NTNG1: variants seen among roughly 807,000 people sequenced by gnomAD.
NTNG1 encodes the protein netrin G1, also known as netrin-G1.
Under a neutral mutation model 54.0 loss-of-function variants are expected in NTNG1, and 16 were observed. The observed-to-expected ratio is 0.30, with a 90% CI of 0.20 to 0.45. The LOEUF (loss-of-function observed/expected upper bound fraction) is 0.45. Among genes scored for constraint, NTNG1 ranks in the 20% least tolerant of loss-of-function variants. The pLI is 1.00. For missense variants in NTNG1, 530 were observed against 678.7 expected (o/e 0.78, Z 2.43); for synonymous variants, 255 against 263.1 (o/e 0.97, Z 0.30).
At chr1:107,237,145 AG>A (rs1288325557) in intron 2 of NTNG1, among the ~76,000 whole-genome samples, 1 of 152,150 alleles carries the variant, frequency 6.6e-6, no homozygotes, top group Non-Finnish European at 1.5e-5. Flanking sequence ...GTCCCAGCAG[AG>A]GTGGTCTTAG....
intron 3 of NTNG1, among the ~76,000 whole-genome samples, chr1:107,392,375 T>G (rs1480109675): frequency 6.6e-6 from 1 of 151,472 alleles, no homozygotes; most frequent in Non-Finnish European, 1.5e-5. Flanking sequence ...AGTTAAGGAG[T>G]GCAGACAAAG....
At chr1:107,153,823 C>G (rs1654769620) in intron 2 of NTNG1, among the ~76,000 whole-genome samples, 1 of 152,160 alleles carries the variant, frequency 6.6e-6, no homozygotes, top group African/African-American at 2.4e-5. Context: ...AAGGGGACAA[C>G]TGGATTTGAG....
intron 3 of NTNG1, among the ~76,000 whole-genome samples, chr1:107,371,809 T>C (rs928405989): frequency 1.1e-4 from 17 of 152,080 alleles, no homozygotes; most frequent in African/African-American, 4.1e-4. Flanking sequence ...CAAGACAAGC[T>C]GAGTATTACT....
At chr1:107,301,403 C>A (rs552060928) in intron 2 of NTNG1, among the ~76,000 whole-genome samples, 2 of 152,148 alleles carry the variant, frequency 1.3e-5, no homozygotes, top group African/African-American at 4.8e-5. Flanking sequence ...ACTAAAGTTA[C>A]ACTGTGATAG....
chr1:107,150,133 AG>A lies in NTNG1; in HGVS notation c.246+1295del, dbSNP rs202071429. Reference sequence around the variant, plus strand: ...TCTAAACCTGATTTTGTGGAGAGTGAGAAAAAGCACTTGGCTATTAGGTGTC... The same window carrying A: ...TCTAAACCTGATTTTGTGGAGAGTGAAAAAAGCACTTGGCTATTAGGTGTC... On this transcript the variant is annotated intron_variant, in intron 2 of 7. Coordinates refer to ENST00000370068, the MANE Select transcript of NTNG1 (RefSeq NM_001113226.3). 7.8e-4 allele frequency among the ~76,000 whole-genome samples: 119 copies of A among 152,300 alleles called. 3 individuals are homozygous for A. In the East Asian group the frequency reaches 0.023, roughly 29 times the overall value.
At chr1:107,459,565 C>T (rs1346275088) in intron 7 of NTNG1, among the ~76,000 whole-genome samples, 1 of 152,038 alleles carries the variant, frequency 6.6e-6, no homozygotes, top group Non-Finnish European at 1.5e-5. Flanking sequence ...TCAATTTGAG[C>T]TTATTTCTAT....
At chr1:107,207,181 C>G (rs907211365) in intron 2 of NTNG1, among the ~76,000 whole-genome samples, 3 of 152,134 alleles carry the variant, frequency 2.0e-5, no homozygotes, top group African/African-American at 4.8e-5. Flanking sequence ...TCTTCCCAGT[C>G]TGACACAGCT....
intron 2 of NTNG1, among the ~76,000 whole-genome samples, chr1:107,242,876 A>G (rs148289213): frequency 7.2e-4 from 109 of 152,320 alleles, no homozygotes; most frequent in African/African-American, 2.5e-3. Context: ...GAAGAGTTGA[A>G]TGCAACCAGA....
At chr1:107,479,367 G>A (rs1558030704) in intron 7 of NTNG1, among the ~76,000 whole-genome samples, 1 of 152,112 alleles carries the variant, frequency 6.6e-6, no homozygotes, top group African/African-American at 2.4e-5. Flanking sequence ...CTACTTGGAG[G>A]GTAGAGTTGT....
At chr1:107,459,211 A>G (rs1319060769) in intron 7 of NTNG1, among the ~76,000 whole-genome samples, 1 of 152,072 alleles carries the variant, frequency 6.6e-6, no homozygotes, top group Non-Finnish European at 1.5e-5. Context: ...ATTGTTCAAA[A>G]AGAGAGAGAG....
At chr1:107,404,262 C>T (rs76717184) in intron 4 of NTNG1, among the ~76,000 whole-genome samples, 15 of 151,652 alleles carry the variant, frequency 9.9e-5, no homozygotes, top group South Asian at 8.3e-4. Context: ...ACAGAAGATC[C>T]GAGAAAAAGA....
intron 3 of NTNG1, among the ~76,000 whole-genome samples, chr1:107,327,447 T>G (rs1441865080): frequency 6.6e-6 from 1 of 152,142 alleles, no homozygotes. Flanking sequence ...TTCAGTAAGA[T>G]TAATGGTCTA....
chr1:107,399,035 C>G (rs1170622119), intron 4 of NTNG1, among the ~76,000 whole-genome samples: 1 of 152,082 alleles, frequency 6.6e-6, no homozygotes, highest in Non-Finnish European at 1.5e-5. Context: ...AATATTATAC[C>G]TATACCTCTC....
chr1:107,337,775 T>A (rs1013835370), intron 3 of NTNG1, among the ~76,000 whole-genome samples: 1 of 151,968 alleles, frequency 6.6e-6, no homozygotes, highest in South Asian at 2.1e-4. Flanking sequence ...TTATTCTTGG[T>A]TTTGAGATGG....
intron 3 of NTNG1, among the ~76,000 whole-genome samples, chr1:107,353,476 G>C (rs1490192127): frequency 6.6e-6 from 1 of 151,828 alleles, no homozygotes; most frequent in African/African-American, 2.4e-5. Flanking sequence ...ATTTCCATCC[G>C]AGACCTCCTC....
At chr1:107,413,959 G>A (rs1254922636) in intron 5 of NTNG1, among the ~76,000 whole-genome samples, 1 of 152,046 alleles carries the variant, frequency 6.6e-6, no homozygotes, top group Non-Finnish European at 1.5e-5. Flanking sequence ...TCCTTGATGG[G>A]AAAGTTACAT....
At chr1:107,337,307 T>C (rs1668642141) in intron 3 of NTNG1, among the ~76,000 whole-genome samples, 1 of 152,024 alleles carries the variant, frequency 6.6e-6, no homozygotes, top group Admixed American at 6.6e-5. Context: ...TGACACATGC[T>C]ACAACATGGA....
chr1:107,372,149 T>C (rs1232942714), intron 3 of NTNG1, among the ~76,000 whole-genome samples: 3 of 152,024 alleles, frequency 2.0e-5, no homozygotes, highest in Non-Finnish European at 4.4e-5. Context: ...ATTTTTTTAT[T>C]ATGTTTATTT....
intron 2 of NTNG1, among the ~76,000 whole-genome samples, chr1:107,253,739 G>A (rs1662759140): frequency 6.6e-6 from 1 of 152,120 alleles, no homozygotes; most frequent in Admixed American, 6.5e-5. Context: ...GTTTTACCCT[G>A]ACATTGATCT....
Sources: gnomAD v4.1 joint callset for allele counts (sites outside exome capture counted in the v4.1 genomes callset) on GRCh38, gnomAD v4.1.1 for gene constraint, MANE v1.5 for transcripts, NCBI Gene and HGNC (gene_info 2026-07-23, HGNC 2026-07-21) for gene names.